Variants in ARHGAP26 observed in about 807,000 individuals in gnomAD.
ARHGAP26 encodes Rho GTPase activating protein 26.
In ARHGAP26, 38 loss-of-function variants were observed where a neutral mutation model predicts 104.8. The observed-to-expected ratio is 0.36, with a 90% CI of 0.28 to 0.48. The LOEUF (loss-of-function observed/expected upper bound fraction) is 0.48, where lower values mean the gene tolerates loss of function less well. Ranked by LOEUF, ARHGAP26 falls within the 20% of genes least tolerant of loss-of-function variation. ARHGAP26 has a pLI of 0.99. For synonymous variants in ARHGAP26, 341 were observed against 340.0 expected (o/e 1.00, Z -0.03); for missense variants, 704 against 947.9 (o/e 0.74, Z 3.38).
At chr5:143,146,175 A>G (rs1799133592) in intron 19 of ARHGAP26, among the ~76,000 whole-genome samples, 1 of 152,234 alleles carries the variant, frequency 6.6e-6, no homozygotes, top group African/African-American at 2.4e-5. Flanking sequence ...GGGGACAAGA[A>G]TCACATTCCA....
Position 143,205,622 on chromosome 5 carries a change from T to C in ARHGAP26, c.1989-1576T>C, listed in dbSNP as rs923969782. 2.0e-4 allele frequency among the ~76,000 whole-genome samples: 30 copies of C among 152,326 alleles called. 1 individual carries two copies. The highest frequency in any genetic ancestry group is 8.5e-4 in the Admixed American group (13 of 15,304). ...TAGAGGAACAGGGCAAGTCCTGCTA[T>C]GTCAGAGGGAGTACGCTGGCTGCAG... On this transcript the variant is annotated intron_variant, in intron 20 of 22. Coordinates refer to ENST00000645722, the MANE Select transcript of ARHGAP26 (RefSeq NM_001135608.3).
chr5:142,772,042 C>A (rs1755308984), intron 1 of ARHGAP26, among the ~76,000 whole-genome samples: 1 of 152,192 alleles, frequency 6.6e-6, no homozygotes, highest in African/African-American at 2.4e-5. Flanking sequence ...TGATGGATTT[C>A]TTAGTAGGTG....
chr5:142,972,841 T>C (rs560528714), intron 11 of ARHGAP26, among the ~76,000 whole-genome samples: 31 of 152,302 alleles, frequency 2.0e-4, no homozygotes, highest in Admixed American at 5.2e-4. Flanking sequence ...TTTTGTTTTC[T>C]ATCTCTGTAA....
At position 142,880,785 on chromosome 5, in the gene ARHGAP26, C is replaced by A. The variant is rs80149041; in HGVS notation, c.384+1340C>A. 4.3e-3 allele frequency among the ~76,000 whole-genome samples: 662 copies of A among 152,266 alleles called. 34 individuals carry two copies. In the East Asian group the frequency reaches 0.11, roughly 25 times the overall value. On this transcript the variant is annotated intron_variant, in intron 4 of 22. Transcript: ENST00000645722. ...ATTCCTCACCCCTACAACACACACA[C>A]CCCTGAGTGCATCTGCTTTCTGGAA...
At chr5:142,923,840 T>C (rs1763520568) in intron 10 of ARHGAP26, among the ~76,000 whole-genome samples, 1 of 151,670 alleles carries the variant, frequency 6.6e-6, no homozygotes, top group Non-Finnish European at 1.5e-5. Context: ...GATTCATTCA[T>C]TTATTAGGAT....
At chr5:142,771,048 C>G in intron 1 of ARHGAP26, 133 bp downstream of exon 1, 1 of 1,404,126 alleles carries the variant, frequency 7.1e-7, no homozygotes, top group Non-Finnish European at 9.4e-7. Flanking sequence ...TCGACGCCTC[C>G]GAGGCAGGAA....
At chr5:142,935,449 A>G (rs1765278070) in intron 11 of ARHGAP26, among the ~76,000 whole-genome samples, 1 of 152,250 alleles carries the variant, frequency 6.6e-6, no homozygotes, top group Non-Finnish European at 1.5e-5. Context: ...ACAATATGTA[A>G]ATGAATAGGT....
intron 13 of ARHGAP26, among the ~76,000 whole-genome samples, chr5:143,039,540 A>T (rs370400503): frequency 5.4e-4 from 76 of 140,480 alleles, no homozygotes; most frequent in Non-Finnish European, 9.0e-4. Context: ...TTTTTTTTTT[A>T]AATTTAAAAG....
intron 1 of ARHGAP26, among the ~76,000 whole-genome samples, chr5:142,819,247 T>C (rs1250836256): frequency 6.6e-6 from 1 of 152,124 alleles, no homozygotes; most frequent in Admixed American, 6.5e-5. Context: ...TGTGCCCTAA[T>C]TACAAATTCC....
chr5:142,817,135 G>A (rs889793716), intron 1 of ARHGAP26, among the ~76,000 whole-genome samples: 1 of 152,148 alleles, frequency 6.6e-6, no homozygotes, highest in African/African-American at 2.4e-5. Context: ...GCATGGTCCT[G>A]GAAGTGTGGG....
chr5:142,981,243 G>A (rs529837691), intron 11 of ARHGAP26, among the ~76,000 whole-genome samples: 2 of 152,302 alleles, frequency 1.3e-5, no homozygotes, highest in South Asian at 4.2e-4. Context: ...CACTAGTATG[G>A]TATTAATTCA....
At chr5:143,083,819 C>T (rs570758606) in intron 17 of ARHGAP26, among the ~76,000 whole-genome samples, 22 of 152,146 alleles carry the variant, frequency 1.4e-4, no homozygotes, top group Non-Finnish European at 2.8e-4. Flanking sequence ...TTCTTAACTC[C>T]GATTCAATAT....
chr5:142,995,775 A>G (rs746981164), intron 11 of ARHGAP26, among the ~76,000 whole-genome samples: 6 of 152,232 alleles, frequency 3.9e-5, no homozygotes, highest in African/African-American at 7.2e-5. Context: ...ATGCTCATCA[A>G]TGATAGACTG....
At chr5:142,981,271 C>A (rs910486787) in intron 11 of ARHGAP26, among the ~76,000 whole-genome samples, 3 of 152,174 alleles carry the variant, frequency 2.0e-5, no homozygotes, top group Non-Finnish European at 4.4e-5. Context: ...ATCTTATTTC[C>A]TAAACCGTAA....
chr5:143,097,715 G>C (rs376619074), intron 17 of ARHGAP26, among the ~76,000 whole-genome samples: 4 of 151,694 alleles, frequency 2.6e-5, no homozygotes, highest in African/African-American at 9.7e-5. Context: ...CCAGCTACTC[G>C]GGAGGCTGAG....
intron 11 of ARHGAP26, among the ~76,000 whole-genome samples, chr5:142,950,528 A>G (rs1768156524): frequency 6.6e-6 from 1 of 152,184 alleles, no homozygotes; most frequent in Non-Finnish European, 1.5e-5. Flanking sequence ...GGTTCACACA[A>G]GAAATCCTTA....
chr5:142,840,516 T>G (rs755597322), intron 1 of ARHGAP26, among the ~76,000 whole-genome samples: 1 of 152,222 alleles, frequency 6.6e-6, no homozygotes, highest in Non-Finnish European at 1.5e-5. Flanking sequence ...GGTTCTACTC[T>G]TATGAACCTT....
At chr5:142,982,057 A>G (rs1485389776) in intron 11 of ARHGAP26, among the ~76,000 whole-genome samples, 1 of 152,254 alleles carries the variant, frequency 6.6e-6, no homozygotes, top group Non-Finnish European at 1.5e-5. Context: ...AGACTGATCC[A>G]GCTCACCTTA....
At chr5:142,945,393 A>G (rs745528863) in intron 11 of ARHGAP26, among the ~76,000 whole-genome samples, 2 of 152,232 alleles carry the variant, frequency 1.3e-5, no homozygotes, top group African/African-American at 4.8e-5. Flanking sequence ...CGCTACACAC[A>G]ATTTTATATT....
Sources: allele counts gnomAD v4.1 joint callset (sites outside exome capture counted in the v4.1 genomes callset), GRCh38; gene constraint gnomAD v4.1.1; transcripts MANE v1.5; gene names NCBI Gene and HGNC (gene_info 2026-07-23, HGNC 2026-07-21).